UTRN: variants seen among roughly 807,000 people sequenced by gnomAD.
The protein encoded by UTRN is utrophin, also known as dystrophin-related protein 1.
UTRN carries 283 observed loss-of-function variants against 463.9 expected under a neutral mutation model. The ratio of observed to expected loss-of-function variants is 0.61; its 90% confidence interval spans 0.55 to 0.67. The LOEUF is 0.67. Ranked by LOEUF, UTRN falls within the 30% of genes least tolerant of loss-of-function variation. UTRN has a pLI of 0.00. For synonymous variants in UTRN, 1,442 were observed against 1,431.5 expected, an observed-to-expected ratio of 1.01 and a Z score of -0.17; for missense variants, 3,922 against 4,084.3, an observed-to-expected ratio of 0.96 and a Z score of 1.08.
chr6:144,345,086 TG>T (rs1296737602), intron 2 of UTRN, among the ~76,000 whole-genome samples: 4 of 152,240 alleles, frequency 2.6e-5, no homozygotes, highest in Non-Finnish European at 5.9e-5. Flanking sequence ...ACTTTGAGAC[TG>T]GTTGGTTTTC....
chr6:144,661,073 G>A (rs1050649014), intron 51 of UTRN, among the ~76,000 whole-genome samples: 1 of 152,168 alleles, frequency 6.6e-6, no homozygotes, highest in Non-Finnish European at 1.5e-5. Flanking sequence ...GCAGAAAGGG[G>A]TGAAGTCCTC....
chr6:144,331,641 G>A (rs1465932529), intron 2 of UTRN, among the ~76,000 whole-genome samples: 3 of 152,178 alleles, frequency 2.0e-5, no homozygotes, highest in East Asian at 1.9e-4. Context: ...GCCAAGTTAC[G>A]TGATAGGCTG....
intron 51 of UTRN, among the ~76,000 whole-genome samples, chr6:144,667,343 C>T (rs191004937): frequency 4.5e-4 from 69 of 152,292 alleles, no homozygotes; most frequent in Non-Finnish European, 8.2e-4. Flanking sequence ...CAGGCTTGAG[C>T]CACTGTGCCC....
chr6:144,622,181 G>GTTTTTTTT (rs1290959363), intron 51 of UTRN, among the ~76,000 whole-genome samples: 11 of 73,722 alleles, frequency 1.5e-4, no homozygotes, highest in East Asian at 8.9e-4. Context: ...ATTTTTTTTT[G>GTTTTTTTT]TTGTTTTTTT....
In UTRN at chr6:144,639,335, TG is replaced by T. The variant is rs201398204; in HGVS notation, c.7480-39070del. ...CTTTTTTTCTTTGTTCACTTTCCTT[TG>T]CTCCATACTTAACTAATTTTCCAGA... On this transcript the variant is annotated intron_variant, in intron 51 of 74. Coordinates refer to ENST00000367545, the MANE Select transcript of UTRN (RefSeq NM_007124.3). Among the ~76,000 whole-genome samples the T allele has an allele frequency of 3.3e-3, 497 of 152,308 alleles. 3 individuals are homozygous for T. The highest frequency in any genetic ancestry group is 0.011 in the African/African-American group (466 of 41,570).
intron 69 of UTRN, among the ~76,000 whole-genome samples, chr6:144,831,975 T>C (rs1780711190): frequency 6.6e-6 from 1 of 152,264 alleles, no homozygotes; most frequent in African/African-American, 2.4e-5. Flanking sequence ...TTTTTTGTCA[T>C]CTGATATGTA....
intron 51 of UTRN, 37 bp downstream of exon 51, chr6:144,577,325 GCCCTGTGT>G: frequency 6.3e-7 from 1 of 1,597,892 alleles, no homozygotes; most frequent in Non-Finnish European, 8.6e-7. Context: ...ACCTGTGTTT[GCCCTGTGT>G]GCTTTTGATC....
chr6:144,366,132 G>A (rs545280083), intron 2 of UTRN, among the ~76,000 whole-genome samples: 2 of 152,296 alleles, frequency 1.3e-5, no homozygotes, highest in South Asian at 2.1e-4. Flanking sequence ...CAGCGTAATC[G>A]TCACATGAAT....
chr6:144,754,684 A>C, intron 56 of UTRN, 36 bp from the exon 57 acceptor site: 1 of 1,599,096 alleles, frequency 6.3e-7, no homozygotes, highest in South Asian at 1.1e-5. Context: ...TTCGGAATCA[A>C]ATTATTTCCT....
At chr6:144,646,209 G>A (rs1196525932) in intron 51 of UTRN, among the ~76,000 whole-genome samples, 1 of 152,122 alleles carries the variant, frequency 6.6e-6, no homozygotes, top group African/African-American at 2.4e-5. Flanking sequence ...AGTTATTGAG[G>A]CATGTTTTTC....
At chr6:144,436,874 TA>T (rs200015530) in intron 10 of UTRN, among the ~76,000 whole-genome samples, 8,870 of 144,886 alleles carry the variant, frequency 0.061, 430 homozygotes, top group Non-Finnish European at 0.089. Context: ...TATATATAAA[TA>T]AAATATATAA....
intron 60 of UTRN, among the ~76,000 whole-genome samples, chr6:144,776,437 A>G (rs1332620111): frequency 1.3e-5 from 2 of 152,222 alleles, no homozygotes; most frequent in Non-Finnish European, 2.9e-5. Context: ...TCCACCCAGC[A>G]TAAGGCAGAG....
At chr6:144,525,655 TTTTG>T (rs1275092372) in intron 41 of UTRN, among the ~76,000 whole-genome samples, 1 of 152,042 alleles carries the variant, frequency 6.6e-6, no homozygotes, top group Non-Finnish European at 1.5e-5. Flanking sequence ...TTTTTTGTAT[TTTTG>T]TTTATTTGTT....
At chr6:144,521,641 T>C (rs905452071) in intron 39 of UTRN, among the ~76,000 whole-genome samples, 2 of 152,154 alleles carry the variant, frequency 1.3e-5, no homozygotes, top group Admixed American at 6.6e-5. Flanking sequence ...TACAAAACTT[T>C]GTGATTGGCA....
chr6:144,526,863 C>A (rs998196421), intron 41 of UTRN, among the ~76,000 whole-genome samples: 1 of 150,940 alleles, frequency 6.6e-6, no homozygotes, highest in Non-Finnish European at 1.5e-5. Context: ...GTGGCATGAT[C>A]TCGGCTTACT....
chr6:144,790,294 A>T (rs1776652602), intron 62 of UTRN, among the ~76,000 whole-genome samples: 1 of 152,202 alleles, frequency 6.6e-6, no homozygotes, highest in East Asian at 1.9e-4. Context: ...ATAAATCCAT[A>T]CATTTGTGGG....
chr6:144,571,035 A>G (rs573511511), intron 50 of UTRN, among the ~76,000 whole-genome samples: 1 of 152,310 alleles, frequency 6.6e-6, no homozygotes, highest in Non-Finnish European at 1.5e-5. Flanking sequence ...ATAATAAAAA[A>G]GAATTCTGAT....
At chr6:144,684,908 T>C (rs894263758) in intron 52 of UTRN, among the ~76,000 whole-genome samples, 2 of 152,228 alleles carry the variant, frequency 1.3e-5, no homozygotes, top group African/African-American at 4.8e-5. Context: ...GTACAGGTGA[T>C]TTTAGTTACA....
rs926345801 is a variant in UTRN, at chr6:144,345,080, T to C, written c.79+53173T>C. ...GAATGTTGTCACTATGAAAAAACTT[T>C]GAGACTGGTTGGTTTTCTTTTTCAA... is the stretch of plus-strand genomic sequence containing the variant. On this transcript the variant is annotated intron_variant, in intron 2 of 74. Coordinates refer to ENST00000367545, the MANE Select transcript of UTRN (RefSeq NM_007124.3). Among the ~76,000 whole-genome samples, 7 of 152,364 alleles carry C rather than the reference T, an allele frequency of 4.6e-5. No homozygotes were observed. The East Asian group carries it at 1.3e-3, about 29-fold the overall frequency.
Sources: allele counts gnomAD v4.1 joint callset (sites outside exome capture counted in the v4.1 genomes callset), GRCh38; gene constraint gnomAD v4.1.1; transcripts MANE v1.5; gene names NCBI Gene and HGNC (gene_info 2026-07-23, HGNC 2026-07-21).